Variants in INO80 observed in about 807,000 individuals in gnomAD.
INO80 encodes the protein INO80 complex ATPase subunit.
INO80 carries 20 observed loss-of-function variants against 203.4 expected under a neutral mutation model. The ratio of observed to expected loss-of-function variants is 0.10; its 90% CI spans 0.07 to 0.14. INO80 has a LOEUF of 0.14. Ranked by LOEUF, INO80 falls within the 10% of genes least tolerant of loss-of-function variation. The pLI is 1.00. For synonymous variants in INO80, 726 were observed against 685.2 expected (o/e 1.06, Z -0.93); for missense variants, 1,419 against 1,914.4 (o/e 0.74, Z 4.83).
chr15:41,033,335 G>C (rs1228387194), intron 24 of INO80, among the ~76,000 whole-genome samples: 1 of 148,832 alleles, frequency 6.7e-6, no homozygotes, highest in Non-Finnish European at 1.5e-5. Flanking sequence ...GCCTGAATCA[G>C]AATTTTTTTT....
At chr15:41,011,329 T>C (rs2044130734) in intron 27 of INO80, among the ~76,000 whole-genome samples, 1 of 152,200 alleles carries the variant, frequency 6.6e-6, no homozygotes, top group Non-Finnish European at 1.5e-5. Flanking sequence ...ATTTTGACAT[T>C]AGTATCAGGG....
intron 9 of INO80, 58 bp downstream of exon 9, chr15:41,079,643 A>T (rs2045456020): frequency 6.7e-7 from 1 of 1,492,740 alleles, no homozygotes; most frequent in Non-Finnish European, 9.3e-7. Flanking sequence ...AATGCAAACG[A>T]ATCTCTTCAA....
intron 19 of INO80, among the ~76,000 whole-genome samples, chr15:41,052,049 G>C (rs982839542): frequency 6.6e-6 from 1 of 152,046 alleles, no homozygotes; most frequent in Admixed American, 6.6e-5. Flanking sequence ...TGAGGTGGGG[G>C]GATCCCATGA....
chr15:41,085,307 C>T (rs2045544461), intron 7 of INO80, 62 bp downstream of exon 7: 1 of 1,411,718 alleles, frequency 7.1e-7, no homozygotes. Context: ...CAGAGTTCCT[C>T]TTTAGTGGGT....
intron 24 of INO80, among the ~76,000 whole-genome samples, chr15:41,036,042 C>T (rs2140499756): frequency 6.8e-6 from 1 of 147,068 alleles, no homozygotes; most frequent in South Asian, 2.2e-4. Context: ...GTAATCCCAG[C>T]TACTCAAGGA....
chr15:41,075,188 A>G (rs1304726217), intron 9 of INO80, among the ~76,000 whole-genome samples: 1 of 152,164 alleles, frequency 6.6e-6, no homozygotes, highest in Non-Finnish European at 1.5e-5. Flanking sequence ...AAATTCAAAC[A>G]GTATATTCCA....
At chr15:41,030,086 G>A (rs955064737) in intron 24 of INO80, among the ~76,000 whole-genome samples, 2 of 152,152 alleles carry the variant, frequency 1.3e-5, no homozygotes, top group Admixed American at 6.5e-5. Context: ...ATCAGGTATC[G>A]CATTAATTCA....
chr15:40,980,368 C>T lies in INO80; in HGVS notation c.4526G>A (p.Ser1509Asn). 6.2e-7 allele frequency: 1 copy of T among 1,614,034 alleles called. No homozygotes were observed. The highest frequency in any genetic ancestry group is 2.2e-5 in the East Asian group (1 of 44,886). The stretch of plus-strand genomic sequence containing the variant: ...AGGGGAACTCAAAGGAGAAGAGGCG[C>T]TTGAAGGTCCAAAGTCAGCAAGGCC... ...PAGLADFGPSSASSPLSSPLS... is the reference protein window; with the variant it reads ...PAGLADFGPSNASSPLSSPLS... Residue 1509 changes from serine to asparagine, a missense_variant, in exon 36 of 36, where the codon AGC becomes AAC. By Grantham distance (46) the Ser-to-Asn change is conservative. Around this residue, in one of 9 missense-constraint regions of INO80, gnomAD observed 112 missense variants for 106.2 expected, o/e 1.05. Transcript: ENST00000648947.
chr15:40,980,429 T>C lies in INO80; in HGVS notation c.4465A>G (p.Ser1489Gly). The C allele has an allele frequency of 6.2e-7, 1 of 1,612,892 alleles. No homozygotes were observed. Among genetic ancestry groups the C allele is most frequent in the Non-Finnish European group, 8.5e-7 (1 of 1,179,756 alleles). The change falls in exon 36 of 36, where the codon AGC (serine) becomes GGC (glycine). Residue 1489 changes from serine to glycine, a missense_variant. Physicochemically the swap from Ser to Gly is moderately conservative, Grantham distance 56. Transcript: ENST00000648947. ...GYNVSKGISA[S>G]SPLQTSLVRP... ...ACAAGGGATGTCTGCAGAGGACTGC[T>C]GGCGGAGATTCCTGTGGGGACGGAG...
chr15:41,093,303 T>C (rs1430971121), intron 4 of INO80, among the ~76,000 whole-genome samples: 1 of 151,898 alleles, frequency 6.6e-6, no homozygotes. Context: ...CAAGCGCCTG[T>C]AGTTTCAGCT....
At chr15:40,995,958 C>T (rs1239937431) in intron 29 of INO80, among the ~76,000 whole-genome samples, 1 of 152,118 alleles carries the variant, frequency 6.6e-6, no homozygotes, top group Non-Finnish European at 1.5e-5. Flanking sequence ...TCTTGCCGTA[C>T]CTGGTTAACT....
chr15:41,099,788 A>AC (rs1396571582), intron 1 of INO80, among the ~76,000 whole-genome samples: 1 of 152,044 alleles, frequency 6.6e-6, no homozygotes, highest in East Asian at 1.9e-4. Flanking sequence ...CAAAAAAAAA[A>AC]AAACTTTAAA....
chr15:41,002,832 C>T (rs561748866), intron 28 of INO80, among the ~76,000 whole-genome samples: 17 of 152,290 alleles, frequency 1.1e-4, no homozygotes, highest in African/African-American at 3.6e-4. Flanking sequence ...AGGCTGGATG[C>T]GGTGGCTCAC....
At chr15:41,080,858 A>G (rs2045475181) in intron 8 of INO80, among the ~76,000 whole-genome samples, 162 bp downstream of exon 8, 1 of 152,204 alleles carries the variant, frequency 6.6e-6, no homozygotes, top group African/African-American at 2.4e-5. Flanking sequence ...CAAAAAATAA[A>G]AATAAAAAAT....
chr15:41,088,881 A>G (rs771576590), intron 5 of INO80, among the ~76,000 whole-genome samples: 7 of 152,184 alleles, frequency 4.6e-5, no homozygotes, highest in Non-Finnish European at 1.0e-4. Flanking sequence ...GAATTTAAAA[A>G]ACAAGCAGGC....
chr15:41,116,058 G>A lies in INO80; in HGVS notation c.-129C>T. 2.5e-6 allele frequency: 1 copy of A among 395,574 alleles called. No individual in the cohort carries two copies. The highest frequency in any genetic ancestry group is 3.6e-5 in the East Asian group (1 of 27,886). 24.5% of individuals were successfully genotyped at this position (395,574 alleles called of 1,614,324 possible). On this transcript the variant is annotated 5_prime_UTR_variant, in exon 1 of 36. Transcript: ENST00000648947. ...GTCCGGAGGGGGGGGTCGCCCCGCC[G>A]ACGGTGGAGCCGCGGTTCGCTCTCT... is the stretch of plus-strand genomic sequence containing the variant.
chr15:41,107,737 T>G (rs1300801522), intron 1 of INO80, among the ~76,000 whole-genome samples: 4 of 151,994 alleles, frequency 2.6e-5, no homozygotes, highest in Non-Finnish European at 5.9e-5. Context: ...GAAACAGAGG[T>G]GGCAGTGAGC....
chr15:41,115,532 C>T (rs61648937), intron 1 of INO80, among the ~76,000 whole-genome samples: 20,742 of 152,194 alleles, frequency 0.14, 1,750 homozygotes, highest in South Asian at 0.26. Context: ...ACTAACAAGC[C>T]CTTAGATCTC....
At position 41,116,226 on chromosome 15, in the gene INO80, A is replaced by G; in HGVS notation, c.-297T>C. The G allele has an allele frequency of 2.5e-6, 1 of 404,112 alleles. No homozygotes were observed. The highest frequency in any genetic ancestry group is 4.3e-6 in the Non-Finnish European group (1 of 231,004). The allele number at this position is 404,112 out of a possible 1,614,324, so 25.0% of individuals were successfully genotyped here. The stretch of plus-strand genomic sequence containing the variant: ...CGGCGGCGGCCACTTTCACTCACTG[A>G]GAGGAGCGGAGCAGGGACACGGGGA... On this transcript the variant is annotated 5_prime_UTR_variant, in exon 1 of 36. Transcript: ENST00000648947.
Sources: allele counts gnomAD v4.1 joint callset (sites outside exome capture counted in the v4.1 genomes callset), GRCh38; gene constraint gnomAD v4.1.1; regional missense constraint gnomAD v4.1.1; transcripts MANE v1.5; gene names NCBI Gene and HGNC (gene_info 2026-07-23, HGNC 2026-07-21).